CSGALNACT1: variants seen among roughly 807,000 people sequenced by gnomAD.
CSGALNACT1 encodes the protein beta4GalNAcT-1.
Under a neutral mutation model 51.0 loss-of-function variants are expected in CSGALNACT1, and 52 were observed. That is an observed-to-expected ratio of 1.02 (90% CI 0.82 to 1.29). CSGALNACT1 has a LOEUF of 1.29. Ranked by LOEUF, CSGALNACT1 falls within the 50% of genes most tolerant of loss-of-function variation. The pLI, the probability that CSGALNACT1 is intolerant of heterozygous loss-of-function variation, is 0.00. For missense variants in CSGALNACT1, 935 were observed against 679.2 expected (o/e 1.38, Z -4.19); for synonymous variants, 341 against 254.4 (o/e 1.34, Z -3.24).
chr8:19,592,593 G>C (rs2048061894), intron 2 of CSGALNACT1, among the ~76,000 whole-genome samples: 1 of 151,976 alleles, frequency 6.6e-6, no homozygotes, highest in African/African-American at 2.4e-5. Context: ...CTCTACAAAA[G>C]ATACAAAAAA....
At position 19,439,817 on chromosome 8, in the gene CSGALNACT1, G is replaced by T; in HGVS notation, c.953+13C>A. The T allele has an allele frequency of 1.9e-6, 3 of 1,595,740 alleles. No individual in the cohort carries two copies. Among genetic ancestry groups the T allele is most frequent in the South Asian group, 2.2e-5 (2 of 90,666 alleles). Reference sequence around the variant, plus strand: ...TACCAGGATTCCTTATGACAGCTCCGTATTGTACTCACTTGGAAGTGTTTT... The same window carrying T: ...TACCAGGATTCCTTATGACAGCTCCTTATTGTACTCACTTGGAAGTGTTTT... On this transcript the variant is annotated intron_variant, in intron 6 of 9. Transcript: ENST00000454498.
chr8:19,516,948 GT>G (rs763549011), intron 3 of CSGALNACT1, among the ~76,000 whole-genome samples: 3 of 152,190 alleles, frequency 2.0e-5, no homozygotes, highest in Non-Finnish European at 4.4e-5. Flanking sequence ...TTTATTTCCT[GT>G]TCTCCATTCC....
chr8:19,549,345 A>G (rs755078456), intron 3 of CSGALNACT1, among the ~76,000 whole-genome samples: 1 of 152,156 alleles, frequency 6.6e-6, no homozygotes, highest in Admixed American at 6.5e-5. Flanking sequence ...TAGTTTTCTT[A>G]GACAACTTTT....
chr8:19,674,551 G>A (rs918604176), intron 1 of CSGALNACT1, among the ~76,000 whole-genome samples: 4 of 152,182 alleles, frequency 2.6e-5, no homozygotes, highest in Admixed American at 6.5e-5. Flanking sequence ...GGAAAAGGCA[G>A]GAATGGGCAA....
intron 4 of CSGALNACT1, among the ~76,000 whole-genome samples, chr8:19,494,319 A>C (rs893880952): frequency 6.6e-6 from 1 of 151,996 alleles, no homozygotes; most frequent in African/African-American, 2.4e-5. Context: ...ACACACACAC[A>C]TCTTTGGCCT....
intron 3 of CSGALNACT1, among the ~76,000 whole-genome samples, chr8:19,533,944 T>A (rs866174579): frequency 4.0e-4 from 61 of 152,214 alleles, no homozygotes; most frequent in Middle Eastern, 3.4e-3. Flanking sequence ...CAAAATAATC[T>A]CCCCAGATTT....
At chr8:19,662,943 C>T (rs1372225351) in intron 1 of CSGALNACT1, among the ~76,000 whole-genome samples, 2 of 152,160 alleles carry the variant, frequency 1.3e-5, no homozygotes, top group African/African-American at 2.4e-5. Context: ...GAAACCCAAA[C>T]ATCTGTTTGC....
chr8:19,632,521 C>T (rs1296602445), intron 1 of CSGALNACT1, among the ~76,000 whole-genome samples: 1 of 151,906 alleles, frequency 6.6e-6, no homozygotes, highest in Non-Finnish European at 1.5e-5. Context: ...GAATACCTTT[C>T]CTCGGTTTTT....
upstream of CSGALNACT1, chr8:19,683,130 T>C (rs1351808689): frequency 4.7e-6 from 1 of 214,320 alleles, no homozygotes; most frequent in Non-Finnish European, 9.6e-6. Flanking sequence ...GATCAGGTGT[T>C]AGGATTTGAT....
At chr8:19,467,189 G>A (rs991819837) in intron 4 of CSGALNACT1, among the ~76,000 whole-genome samples, 7 of 142,360 alleles carry the variant, frequency 4.9e-5, no homozygotes, top group Non-Finnish European at 9.0e-5. Context: ...GTGCGATCTC[G>A]GCTCACTGCA....
chr8:19,488,414 T>G (rs960595599), intron 4 of CSGALNACT1, among the ~76,000 whole-genome samples: 2 of 104,506 alleles, frequency 1.9e-5, no homozygotes, highest in Admixed American at 2.2e-4. Flanking sequence ...TATATATATA[T>G]AGTTAGATCA....
At chr8:19,568,578 A>G (rs1296652309) in intron 3 of CSGALNACT1, among the ~76,000 whole-genome samples, 1 of 152,234 alleles carries the variant, frequency 6.6e-6, no homozygotes, top group African/African-American at 2.4e-5. Flanking sequence ...GTGAAAAACA[A>G]AAGGACTTTA....
At chr8:19,538,495 C>A (rs1374195514) in intron 3 of CSGALNACT1, among the ~76,000 whole-genome samples, 1 of 152,110 alleles carries the variant, frequency 6.6e-6, no homozygotes, top group East Asian at 1.9e-4. Flanking sequence ...ATGGGGGCAA[C>A]AAAAGTAGAG....
intron 9 of CSGALNACT1, among the ~76,000 whole-genome samples, chr8:19,407,918 T>C (rs977815833): frequency 6.5e-3 from 420 of 64,338 alleles, no homozygotes; most frequent in East Asian, 0.016. Context: ...TGTGTGTGTG[T>C]GTGTGTGTGT....
intron 3 of CSGALNACT1, among the ~76,000 whole-genome samples, chr8:19,524,205 G>T (rs1038266689): frequency 6.6e-6 from 1 of 152,044 alleles, no homozygotes; most frequent in Non-Finnish European, 1.5e-5. Context: ...CAGGAGGATC[G>T]CTTGAGCCCA....
At chr8:19,644,714 A>G (rs2057098619) in intron 1 of CSGALNACT1, among the ~76,000 whole-genome samples, 2 of 148,426 alleles carry the variant, frequency 1.3e-5, no homozygotes, top group Admixed American at 1.3e-4. Flanking sequence ...CGTCTCAAAA[A>G]AAAAAAAAAA....
chr8:19,483,763 C>T (rs142334340), intron 4 of CSGALNACT1, among the ~76,000 whole-genome samples: 3 of 152,194 alleles, frequency 2.0e-5, no homozygotes, highest in Non-Finnish European at 2.9e-5. Flanking sequence ...ATTTCTTCAT[C>T]TTTGTTTCAA....
At chr8:19,423,555 G>T (rs572569902) in intron 6 of CSGALNACT1, among the ~76,000 whole-genome samples, 1 of 152,246 alleles carries the variant, frequency 6.6e-6, no homozygotes, top group South Asian at 2.1e-4. Context: ...ACAGAGGATT[G>T]GGTACAGGAT....
At chr8:19,634,313 G>C (rs2055716156) in intron 1 of CSGALNACT1, among the ~76,000 whole-genome samples, 1 of 152,128 alleles carries the variant, frequency 6.6e-6, no homozygotes, top group Admixed American at 6.5e-5. Context: ...CAGGTGACTA[G>C]GTTTACATGA....
Sources: allele counts gnomAD v4.1 joint callset (sites outside exome capture counted in the v4.1 genomes callset), GRCh38; gene constraint gnomAD v4.1.1; transcripts MANE v1.5; gene names NCBI Gene and HGNC (gene_info 2026-07-23, HGNC 2026-07-21).